The following LOC400499 variants were observed in gnomAD, a reference collection of about 807,000 sequenced individuals.
chr16:11,453,792 A>T, the LOC400499 span, among the ~76,000 whole-genome samples: 1 of 151,878 alleles, frequency 6.6e-6, no homozygotes, highest in Non-Finnish European at 1.5e-5. Flanking sequence ...ACATACTGAG[A>T]CCCCATTCTC....
chr16:11,476,589 G>A, the LOC400499 span, among the ~76,000 whole-genome samples: 2 of 152,072 alleles, frequency 1.3e-5, no homozygotes, highest in Non-Finnish European at 2.9e-5. Context: ...GCTCATGGGT[G>A]CACACACTAA....
At chr16:11,439,549 G>C in the LOC400499 span, 1 of 399,228 alleles carries the variant, frequency 2.5e-6, no homozygotes, top group South Asian at 1.3e-4. Flanking sequence ...AAAATGCAAA[G>C]TCGGAGTCAG....
At chr16:11,441,298 T>G in the LOC400499 span, among the ~76,000 whole-genome samples, 2 of 152,330 alleles carry the variant, frequency 1.3e-5, no homozygotes, top group East Asian at 3.9e-4. Flanking sequence ...GTGGGCTTGA[T>G]GGAACAAATG....
chr16:11,430,416 G>GGAGGC, the LOC400499 span, among the ~76,000 whole-genome samples: 1 of 152,138 alleles, frequency 6.6e-6, no homozygotes, highest in South Asian at 2.1e-4. Flanking sequence ...CTTGTACCCG[G>GGAGGC]GAGGCGGAGG....
the LOC400499 span, among the ~76,000 whole-genome samples, chr16:11,503,181 C>T: frequency 6.6e-6 from 1 of 152,110 alleles, no homozygotes; most frequent in African/African-American, 2.4e-5. Flanking sequence ...TCCCCAAGTG[C>T]TGGGATGACA....
At chr16:11,451,489 G>C in the LOC400499 span, among the ~76,000 whole-genome samples, 1 of 152,126 alleles carries the variant, frequency 6.6e-6, no homozygotes, top group South Asian at 2.1e-4. Context: ...TGAGGTGGAG[G>C]CTGCAGTGGC....
the LOC400499 span, chr16:11,384,389 C>G: frequency 1.1e-6 from 1 of 946,572 alleles, no homozygotes; most frequent in East Asian, 3.3e-5. Context: ...AGCCCCAGCC[C>G]TGCTGCCTCA....
the LOC400499 span, among the ~76,000 whole-genome samples, chr16:11,489,790 C>T: frequency 7.5e-3 from 1,141 of 152,300 alleles, 20 homozygotes; most frequent in African/African-American, 0.026. Context: ...CCAATAGTGC[C>T]ATCTCTTCAG....
At chr16:11,396,649 G>T in the LOC400499 span, 1 of 1,231,608 alleles carries the variant, frequency 8.1e-7, no homozygotes, top group East Asian at 3.2e-5. Context: ...CCTGGCCCAG[G>T]GTGTGCTCCC....
chr16:11,439,442 C>T, the LOC400499 span: 1 of 398,954 alleles, frequency 2.5e-6, no homozygotes. Flanking sequence ...CAGAGACAAC[C>T]CTTGGCAGGC....
chr16:11,392,705 T>G, the LOC400499 span: 7 of 884,786 alleles, frequency 7.9e-6, no homozygotes, highest in Non-Finnish European at 9.5e-6. Context: ...CGGCAGTCAG[T>G]TAGGGATGCC....
chr16:11,412,528 G>A, the LOC400499 span, among the ~76,000 whole-genome samples: 10 of 152,212 alleles, frequency 6.6e-5, no homozygotes, highest in African/African-American at 1.9e-4. Context: ...TACTGCACAC[G>A]TAAGAGCACC....
chr16:11,459,809 G>T, the LOC400499 span: 1 of 1,218,650 alleles, frequency 8.2e-7, no homozygotes, highest in African/African-American at 1.6e-5. Flanking sequence ...TTGTAGCCAG[G>T]GCCAGAGGGC....
the LOC400499 span, among the ~76,000 whole-genome samples, chr16:11,373,820 A>T: frequency 6.6e-6 from 1 of 151,268 alleles, no homozygotes; most frequent in Non-Finnish European, 1.5e-5. Flanking sequence ...GGGCTTCACC[A>T]TGTTGGTCAT....
At chr16:11,461,017 T>G in the LOC400499 span, 2 of 1,536,134 alleles carry the variant, frequency 1.3e-6, no homozygotes, top group Non-Finnish European at 8.7e-7. Flanking sequence ...GCCCCGTTGC[T>G]GCAGCAGGCC....
At chr16:11,513,277 C>A in the LOC400499 span, among the ~76,000 whole-genome samples, 1 of 151,940 alleles carries the variant, frequency 6.6e-6, no homozygotes. Context: ...TGGTGCTGTG[C>A]ACCTGTAGTC....
the LOC400499 span, chr16:11,459,926 C>A: frequency 6.7e-7 from 1 of 1,486,492 alleles, no homozygotes; most frequent in Non-Finnish European, 8.9e-7. Flanking sequence ...GGGCGGGCCC[C>A]GAGTCATTCT....
the LOC400499 span, among the ~76,000 whole-genome samples, chr16:11,375,277 G>A: frequency 2.1e-5 from 3 of 141,280 alleles, no homozygotes; most frequent in South Asian, 6.6e-4. Context: ...ATTAATTACA[G>A]CCATCCTAAT....
the LOC400499 span, among the ~76,000 whole-genome samples, chr16:11,435,058 C>T: frequency 6.6e-6 from 1 of 152,236 alleles, no homozygotes; most frequent in African/African-American, 2.4e-5. Context: ...CAGCTCGCTG[C>T]AGCCTCCAAC....
Sources: allele counts gnomAD v4.1 joint callset (sites outside exome capture counted in the v4.1 genomes callset), GRCh38; gene constraint gnomAD v4.1.1; transcripts MANE v1.5.